AGBL4: variants seen among roughly 807,000 people sequenced by gnomAD.
AGBL4 encodes AGBL carboxypeptidase 4, also known as cytosolic carboxypeptidase 6.
AGBL4 carries 58 observed loss-of-function variants against 66.4 expected under a neutral mutation model. The ratio of observed to expected loss-of-function variants is 0.87; its 90% CI spans 0.71 to 1.09. The LOEUF (loss-of-function observed/expected upper bound fraction) is 1.09. AGBL4 is among the 50% of genes least tolerant of loss of function. The probability of loss-of-function intolerance (pLI) is 0.00; values close to 1 mark genes in which losing one functional copy is unlikely to be tolerated. For synonymous variants in AGBL4, 234 were observed against 222.9 expected (o/e 1.05, Z -0.44); for missense variants, 579 against 631.0 (o/e 0.92, Z 0.88).
At chr1:49,718,460 T>C (rs1344524073) in intron 2 of AGBL4, among the ~76,000 whole-genome samples, 1 of 152,132 alleles carries the variant, frequency 6.6e-6, no homozygotes, top group East Asian at 1.9e-4. Flanking sequence ...CAATCTCATA[T>C]ATTTATTTGC....
chr1:48,868,566 T>G (rs1648339799), intron 5 of AGBL4, among the ~76,000 whole-genome samples: 1 of 152,212 alleles, frequency 6.6e-6, no homozygotes, highest in Non-Finnish European at 1.5e-5. Flanking sequence ...TGGCAATGAA[T>G]ATAAATAATC....
intron 3 of AGBL4, among the ~76,000 whole-genome samples, chr1:49,508,233 A>G (rs1264842864): frequency 6.6e-6 from 1 of 151,998 alleles, no homozygotes; most frequent in Non-Finnish European, 1.5e-5. Context: ...ATCTATTACA[A>G]TCCTCCAATC....
chr1:48,809,639 C>A (rs1389813692), intron 6 of AGBL4, among the ~76,000 whole-genome samples: 1 of 152,140 alleles, frequency 6.6e-6, no homozygotes, highest in Non-Finnish European at 1.5e-5. Flanking sequence ...CAGCAAACCA[C>A]ATGTGATTAT....
At chr1:49,708,487 T>C (rs943733170) in intron 2 of AGBL4, among the ~76,000 whole-genome samples, 6 of 152,056 alleles carry the variant, frequency 3.9e-5, no homozygotes, top group Non-Finnish European at 8.8e-5. Context: ...CTTCCTTGCA[T>C]TGGTTAGAAC....
intron 3 of AGBL4, among the ~76,000 whole-genome samples, chr1:49,665,804 G>C (rs1326034563): frequency 6.6e-6 from 1 of 151,726 alleles, no homozygotes; most frequent in Non-Finnish European, 1.5e-5. Context: ...TTTTACATCT[G>C]CTTTTAAAAT....
At chr1:49,432,761 G>C (rs1645814865) in intron 3 of AGBL4, among the ~76,000 whole-genome samples, 1 of 152,090 alleles carries the variant, frequency 6.6e-6, no homozygotes, top group Non-Finnish European at 1.5e-5. Flanking sequence ...TTGACATACA[G>C]CTACTAAAAT....
intron 3 of AGBL4, among the ~76,000 whole-genome samples, chr1:49,444,152 T>C (rs1646099294): frequency 6.6e-6 from 1 of 152,056 alleles, no homozygotes; most frequent in Non-Finnish European, 1.5e-5. Context: ...GATTTTAAAC[T>C]TGTTGAGGTT....
At chr1:49,963,181 C>T (rs1341722804) in intron 1 of AGBL4, among the ~76,000 whole-genome samples, 1 of 152,168 alleles carries the variant, frequency 6.6e-6, no homozygotes, top group Non-Finnish European at 1.5e-5. Context: ...AAAACTGCAA[C>T]ACTTACAAAG....
At chr1:49,336,830 T>G (rs1645447295) in intron 3 of AGBL4, among the ~76,000 whole-genome samples, 1 of 152,198 alleles carries the variant, frequency 6.6e-6, no homozygotes, top group South Asian at 2.1e-4. Context: ...GAACAGTTTC[T>G]AAACTATAGC....
At chr1:49,668,387 GA>G (rs889600633) in intron 3 of AGBL4, among the ~76,000 whole-genome samples, 1 of 151,744 alleles carries the variant, frequency 6.6e-6, no homozygotes, top group Non-Finnish European at 1.5e-5. Context: ...ATTCATCTCA[GA>G]AAAAAAAGCA....
chr1:49,234,571 T>A (rs928984099), intron 4 of AGBL4, among the ~76,000 whole-genome samples: 1 of 152,180 alleles, frequency 6.6e-6, no homozygotes, highest in African/African-American at 2.4e-5. Context: ...TTATAGAGTA[T>A]CAGTGGACTA....
At chr1:49,805,778 G>A (rs1019015971) in intron 2 of AGBL4, among the ~76,000 whole-genome samples, 1 of 152,128 alleles carries the variant, frequency 6.6e-6, no homozygotes, top group African/African-American at 2.4e-5. Context: ...TCAGAGAGCT[G>A]CCTTACTCCT....
chr1:49,987,504 A>C (rs1659594793), intron 1 of AGBL4, among the ~76,000 whole-genome samples: 1 of 152,032 alleles, frequency 6.6e-6, no homozygotes, highest in Admixed American at 6.6e-5. Context: ...ATTTCAAGAC[A>C]TCTAGAAAAT....
chr1:49,622,772 G>C (rs1009082408), intron 3 of AGBL4, among the ~76,000 whole-genome samples: 1 of 151,630 alleles, frequency 6.6e-6, no homozygotes, highest in East Asian at 1.9e-4. Context: ...GAAAATGCGA[G>C]CCATCATCAT....
chr1:49,305,663 T>C (rs1644836058), intron 3 of AGBL4, among the ~76,000 whole-genome samples: 1 of 151,996 alleles, frequency 6.6e-6, no homozygotes, highest in Non-Finnish European at 1.5e-5. Context: ...TTTTTATTAC[T>C]GGTCTCGGAA....
intron 2 of AGBL4, among the ~76,000 whole-genome samples, chr1:49,735,334 T>TGTGC (rs57275876): frequency 7.2e-6 from 1 of 138,986 alleles, no homozygotes; most frequent in Non-Finnish European, 1.6e-5. Context: ...TGTGTGTGTG[T>TGTGC]AGAGAGAGAG....
chr1:49,451,330 T>C (rs541211300), intron 3 of AGBL4, among the ~76,000 whole-genome samples: 1 of 152,206 alleles, frequency 6.6e-6, no homozygotes, highest in African/African-American at 2.4e-5. Flanking sequence ...TATTCAAGCA[T>C]AATTGATTTG....
chr1:49,610,831 G>T lies in AGBL4; in HGVS notation c.282+86482C>A, dbSNP rs187922598. On this transcript the variant is annotated intron_variant, in intron 3 of 13. Transcript: ENST00000371839. ...TGTTATAGTAGCAGGAATTGACTAA[G>T]ATACAAACCAAAACCATACCCAAAC... 9.2e-4 allele frequency among the ~76,000 whole-genome samples: 140 copies of T among 152,254 alleles called. 1 individual carries two copies. Among genetic ancestry groups the T allele is most frequent in the African/African-American group, 3.2e-3 (135 of 41,560 alleles).
Position 48,590,834 on chromosome 1 carries a change from T to C in AGBL4, c.1103A>G (p.Tyr368Cys), listed in dbSNP as rs1418938713. ...LLCQNAEDFS[Y>C]SSTSFNRDAV... ...GCTGAGAGAGAACTCCTGGCTTACA[T>C]AGGAGAAGTCCTCAGCATTCTGGCA... is the stretch of plus-strand genomic sequence containing the variant. The change falls in exon 10 of 14, where the codon TAT becomes TGT. Residue 368 changes from tyrosine to cysteine, a missense_variant and splice_region_variant. Coordinates refer to ENST00000371839, the MANE Select transcript of AGBL4 (RefSeq NM_032785.4). 2.5e-6 allele frequency: 4 copies of C among 1,598,332 alleles called. No homozygotes were observed. The highest frequency in any genetic ancestry group is 1.7e-5 in the Admixed American group (1 of 58,222).
Sources: gnomAD v4.1 joint callset for allele counts (sites outside exome capture counted in the v4.1 genomes callset) on GRCh38, gnomAD v4.1.1 for gene constraint, MANE v1.5 for transcripts, NCBI Gene and HGNC (gene_info 2026-07-23, HGNC 2026-07-21) for gene names.